CPNE2: variants seen among roughly 807,000 people sequenced by gnomAD.
CPNE2 encodes copine-2.
CPNE2 carries 42 observed loss-of-function variants against 69.7 expected under a neutral mutation model. That is an observed-to-expected ratio of 0.60 (90% confidence interval 0.47 to 0.78). CPNE2 has a LOEUF of 0.78. Among genes scored for constraint, CPNE2 ranks in the 30% least tolerant of loss-of-function variants. The probability of loss-of-function intolerance (pLI) is 0.00; values close to 1 mark genes in which losing one functional copy is unlikely to be tolerated. For synonymous variants in CPNE2, 294 were observed against 289.8 expected, an observed-to-expected ratio of 1.01 and a Z score of -0.15; for missense variants, 587 against 732.0, an observed-to-expected ratio of 0.80 and a Z score of 2.29.
chr16:57,125,720 G>A, intron 10 of CPNE2, 140 bp from the exon 11 acceptor site: 1 of 1,031,764 alleles, frequency 9.7e-7, no homozygotes, highest in South Asian at 1.6e-5. Context: ...GCATTTCTAG[G>A]TTTCAGACCA....
chr16:57,130,418 C>T lies in CPNE2; in HGVS notation c.1116+2515C>T, dbSNP rs573296368. The stretch of plus-strand genomic sequence containing the variant: ...AAAAGAGACAGCTGCATGAGAGAGC[C>T]AGGCAGATGAAGCGGAGACTGAGCC... On this transcript the variant is annotated intron_variant, in intron 12 of 15. Coordinates refer to ENST00000290776, the MANE Select transcript of CPNE2 (RefSeq NM_152727.6). The surrounding 1 kb of genome is among the most constrained non-coding windows in gnomAD (Gnocchi z 4.1). Among the ~76,000 whole-genome samples the T allele has an allele frequency of 7.2e-5, 11 of 152,006 alleles. No homozygotes were observed. Among genetic ancestry groups the T allele is most frequent in the African/African-American group, 2.7e-4 (11 of 41,442 alleles).
At chr16:57,105,086 T>C (rs528088454) in intron 1 of CPNE2, among the ~76,000 whole-genome samples, 2 of 152,288 alleles carry the variant, frequency 1.3e-5, no homozygotes, top group East Asian at 3.9e-4. Flanking sequence ...CCTCTGGCTC[T>C]GGTGTGGAAA....
intron 13 of CPNE2, among the ~76,000 whole-genome samples, chr16:57,135,788 C>T (rs529858963): frequency 1.5e-4 from 22 of 146,326 alleles, no homozygotes; most frequent in South Asian, 6.7e-4. Flanking sequence ...GCGGGAGAAT[C>T]GCTTGAACCC....
chr16:57,118,293 G>A (rs2069734904), intron 5 of CPNE2, among the ~76,000 whole-genome samples: 1 of 149,354 alleles, frequency 6.7e-6, no homozygotes, highest in African/African-American at 2.5e-5. Context: ...AGCCTCCCGA[G>A]TAGCTGGGAC....
chr16:57,125,929 A>G lies in CPNE2; in HGVS notation c.997A>G (p.Met333Val), dbSNP rs201563361. 1.5e-5 allele frequency: 24 copies of G among 1,614,030 alleles called. No individual in the cohort carries two copies. The African/African-American group carries it at 2.8e-4, about 19-fold the overall frequency. ...DPSSLHYINP[M>V]GTNEYLSAIW... ...TTCCTCTTTGCACTATATCAACCCT[A>G]TGGGCACCAACGAATATCTGTCGGC... Residue 333 changes from methionine (M) to valine (V), a missense_variant, in exon 11 of 16, where the codon ATG becomes GTG. Around this residue, in one of 5 missense-constraint regions of CPNE2, gnomAD observed 269 missense variants for 300.5 expected, o/e 0.90. Coordinates refer to ENST00000290776, the MANE Select transcript of CPNE2 (RefSeq NM_152727.6).
intron 12 of CPNE2, among the ~76,000 whole-genome samples, chr16:57,132,138 G>T (rs1168740469): frequency 1.3e-5 from 2 of 152,202 alleles, no homozygotes; most frequent in Non-Finnish European, 1.5e-5. Context: ...TTCTCTGAGG[G>T]TGGGAAGCTA....
chr16:57,137,380 T>A, intron 14 of CPNE2, 98 bp downstream of exon 14: 1 of 1,434,230 alleles, frequency 7.0e-7, no homozygotes, highest in Non-Finnish European at 9.5e-7. Flanking sequence ...TAAATCCTAG[T>A]GGACACCTCT....
chr16:57,121,034 G>C (rs1242156605), intron 7 of CPNE2, 59 bp from the exon 8 acceptor site: 5 of 1,319,032 alleles, frequency 3.8e-6, no homozygotes, highest in East Asian at 4.8e-5. Flanking sequence ...GAGTTGAGAG[G>C]GGCTGGAGAG....
At chr16:57,115,412 G>C in intron 3 of CPNE2, 64 bp from the exon 4 acceptor site, 1 of 1,358,712 alleles carries the variant, frequency 7.4e-7, no homozygotes, top group Non-Finnish European at 1.0e-6. Flanking sequence ...TGCCGGTGGA[G>C]GATTTTTCCT....
intron 14 of CPNE2, chr16:57,142,912 A>T (rs1307311202): frequency 6.6e-6 from 1 of 152,230 alleles, no homozygotes; most frequent in Non-Finnish European, 1.5e-5. Context: ...AGCCCTAGAA[A>T]CCTGAAGAAC....
Position 57,147,631 on chromosome 16 carries a change from G to GC in CPNE2, c.1626dup (p.Thr543HisfsTer18), listed in dbSNP as rs773648541. 2 of 1,603,432 alleles carry GC rather than the reference G, an allele frequency of 1.2e-6. No homozygotes were observed. Among genetic ancestry groups the GC allele is most frequent in the East Asian group, 2.2e-5 (1 of 44,532 alleles). On this transcript the variant is annotated frameshift_variant, in exon 16 of 16. Transcript: ENST00000290776. LOFTEE classifies it high-confidence loss of function. ...TGCAGTATTTCAAGCATAAAAACCT[G>GC]CCCCCCACCAACTCGGAGCCCGCCT...
intron 12 of CPNE2, among the ~76,000 whole-genome samples, chr16:57,129,978 A>C (rs1258487560): frequency 6.6e-6 from 1 of 152,186 alleles, no homozygotes; most frequent in Non-Finnish European, 1.5e-5. Flanking sequence ...GGCGGGGTGC[A>C]GTGGCTCACA....
intron 12 of CPNE2, among the ~76,000 whole-genome samples, chr16:57,131,511 C>T (rs778386918): frequency 4.6e-5 from 7 of 152,224 alleles, no homozygotes; most frequent in Admixed American, 2.6e-4. Context: ...AGCACGAGCC[C>T]GTTGCTAGGA....
chr16:57,139,539 A>G (rs1158469435), intron 14 of CPNE2, among the ~76,000 whole-genome samples: 1 of 152,182 alleles, frequency 6.6e-6, no homozygotes, highest in Non-Finnish European at 1.5e-5. Context: ...GGCTGTTATC[A>G]GTTTGTTTCA....
At chr16:57,120,749 C>T (rs1204805924) in intron 7 of CPNE2, among the ~76,000 whole-genome samples, 1 of 152,066 alleles carries the variant, frequency 6.6e-6, no homozygotes, top group Non-Finnish European at 1.5e-5. Context: ...TTTCTGTGCT[C>T]ATCTCAGAAA....
At chr16:57,131,689 C>T (rs1346827715) in intron 12 of CPNE2, among the ~76,000 whole-genome samples, 1 of 152,202 alleles carries the variant, frequency 6.6e-6, no homozygotes, top group African/African-American at 2.4e-5. Flanking sequence ...TGCTGTGTCC[C>T]ACCTCCCCCT....
rs1256685607 is a variant in CPNE2, at chr16:57,103,514, T to C, written c.-35-7194T>C. The stretch of plus-strand genomic sequence containing the variant: ...GAATTTACGACAGGACATCCCACTG[T>C]GGTCCCAGCTCCTCCTCTCCACCAG... On this transcript the variant is annotated intron_variant, in intron 1 of 15. Transcript: ENST00000290776. 3.3e-5 allele frequency among the ~76,000 whole-genome samples: 5 copies of C among 152,216 alleles called. No homozygotes were observed. In the East Asian group the frequency reaches 9.6e-4, roughly 29 times the overall value.
At chr16:57,111,469 C>A (rs533232639) in intron 2 of CPNE2, among the ~76,000 whole-genome samples, 1 of 152,200 alleles carries the variant, frequency 6.6e-6, no homozygotes. Context: ...TGAACCACCA[C>A]GCCCCATCTT....
Position 57,125,093 on chromosome 16 carries a change from G to A in CPNE2, c.928-767G>A, listed in dbSNP as rs368869735. The A allele has an allele frequency of 4.3e-4, 141 of 325,358 alleles. 2 individuals are homozygous for A. The highest frequency in any genetic ancestry group is 1.2e-3 in the Middle Eastern group (1 of 852). The allele number at this position is 325,358 out of a possible 1,614,324, so 20.2% of individuals were successfully genotyped here. On this transcript the variant is annotated intron_variant, in intron 10 of 15. Transcript: ENST00000290776. ...GTTCCCATGTAGCCAAATCTTCCCC[G>A]GGGTCCTACTTCTAACCCTCCCCTG...
Sources: gnomAD v4.1 joint callset for allele counts (sites outside exome capture counted in the v4.1 genomes callset) on GRCh38, gnomAD v4.1.1 for gene constraint, gnomAD v4.1.1 regional missense constraint, Gnocchi (gnomAD v3.1) non-coding constraint, MANE v1.5 for transcripts, NCBI Gene and HGNC (gene_info 2026-07-23, HGNC 2026-07-21) for gene names.